CNGB3: variants seen among roughly 807,000 people sequenced by gnomAD.
CNGB3 encodes cyclic nucleotide gated channel subunit beta 3.
A neutral mutation model predicts 92.8 loss-of-function variants in CNGB3; 86 were observed. That is an observed-to-expected ratio of 0.93 (90% CI 0.78 to 1.11). The LOEUF is 1.11. Ranked by LOEUF, CNGB3 falls within the 50% of genes least tolerant of loss-of-function variation. The pLI, the probability that CNGB3 is intolerant of heterozygous loss-of-function variation, is 0.00. For missense variants in CNGB3, 1,026 were observed against 956.8 expected (o/e 1.07, Z -0.95); for synonymous variants, 333 against 332.7 (o/e 1.00, Z -0.01).
At chr8:86,656,455 A>G (rs1823506970) in intron 6 of CNGB3, among the ~76,000 whole-genome samples, 1 of 152,264 alleles carries the variant, frequency 6.6e-6, no homozygotes, top group Non-Finnish European at 1.5e-5. Flanking sequence ...TCTTTAGAGC[A>G]GTAAATAAAC....
chr8:86,600,999 T>G (rs1045970852), intron 15 of CNGB3, among the ~76,000 whole-genome samples: 1 of 151,874 alleles, frequency 6.6e-6, no homozygotes, highest in Admixed American at 6.6e-5. Flanking sequence ...TATAAATCAG[T>G]AGTAATTACT....
At chr8:86,647,181 C>G (rs1823305274) in intron 8 of CNGB3, among the ~76,000 whole-genome samples, 1 of 150,848 alleles carries the variant, frequency 6.6e-6, no homozygotes, top group South Asian at 2.1e-4. Flanking sequence ...GCTTCCTCTT[C>G]TTTGTTTTAA....
At chr8:86,667,247 G>A (rs1823761750) in intron 5 of CNGB3, 114 bp from the exon 6 acceptor site, 1 of 870,328 alleles carries the variant, frequency 1.1e-6, no homozygotes, top group African/African-American at 1.7e-5. Flanking sequence ...ATTTGCCATA[G>A]GAGGCTCTAT....
At chr8:86,737,805 C>T (rs375055537) in intron 2 of CNGB3, among the ~76,000 whole-genome samples, 171 of 152,280 alleles carry the variant, frequency 1.1e-3, no homozygotes, top group African/African-American at 4.0e-3. Context: ...ATGTTTAGCT[C>T]CCACAAGTGA....
At chr8:86,706,109 T>C (rs549357812) in intron 3 of CNGB3, among the ~76,000 whole-genome samples, 4 of 152,318 alleles carry the variant, frequency 2.6e-5, no homozygotes, top group African/African-American at 9.6e-5. Context: ...CATAATGTAG[T>C]TTATATTCTT....
intron 7 of CNGB3, among the ~76,000 whole-genome samples, chr8:86,649,002 C>T (rs533263077): frequency 6.7e-4 from 101 of 151,500 alleles, no homozygotes; most frequent in African/African-American, 2.4e-3. Context: ...CTGCTATACA[C>T]CAATACACAT....
intron 15 of CNGB3, among the ~76,000 whole-genome samples, chr8:86,591,571 A>C (rs2131546834): frequency 6.6e-6 from 1 of 151,892 alleles, no homozygotes; most frequent in Admixed American, 6.6e-5. Context: ...CAGGACCCTC[A>C]GCTGCAGGTC....
At chr8:86,641,705 A>G (rs1205073688) in intron 10 of CNGB3, among the ~76,000 whole-genome samples, 6 of 151,304 alleles carry the variant, frequency 4.0e-5, no homozygotes, top group African/African-American at 1.5e-4. Flanking sequence ...ACTCACACTC[A>G]TTTTCTATTG....
chr8:86,725,351 G>T (rs1182699870), intron 3 of CNGB3, among the ~76,000 whole-genome samples: 1 of 152,078 alleles, frequency 6.6e-6, no homozygotes, highest in Non-Finnish European at 1.5e-5. Context: ...TCTGTTGAGT[G>T]AAGATAATGA....
intron 3 of CNGB3, among the ~76,000 whole-genome samples, chr8:86,717,908 A>G (rs1327262529): frequency 2.0e-5 from 3 of 152,212 alleles, no homozygotes; most frequent in Non-Finnish European, 4.4e-5. Context: ...CTGTTCCTGA[A>G]TGATCACTGG....
At chr8:86,719,329 A>G (rs936442542) in intron 3 of CNGB3, among the ~76,000 whole-genome samples, 3 of 152,168 alleles carry the variant, frequency 2.0e-5, no homozygotes, top group African/African-American at 7.2e-5. Flanking sequence ...AAGTTTCAGG[A>G]TACAAAATTA....
chr8:86,595,688 T>G (rs1443910712), intron 15 of CNGB3, among the ~76,000 whole-genome samples: 2 of 152,120 alleles, frequency 1.3e-5, no homozygotes, highest in Non-Finnish European at 2.9e-5. Context: ...TTTCTACTTT[T>G]TAGGAAAGAG....
chr8:86,656,803 A>G (rs1308529051), intron 6 of CNGB3, among the ~76,000 whole-genome samples: 1 of 152,188 alleles, frequency 6.6e-6, no homozygotes, highest in Non-Finnish European at 1.5e-5. Flanking sequence ...CCAGGGCACC[A>G]TGACCCCATC....
At chr8:86,676,339 A>G (rs577107208) in intron 3 of CNGB3, among the ~76,000 whole-genome samples, 80 of 152,244 alleles carry the variant, frequency 5.3e-4, no homozygotes, top group Admixed American at 1.1e-3. Flanking sequence ...GATAATATAA[A>G]GGGAAGGTAT....
chr8:86,694,176 T>C (rs1586020907), intron 3 of CNGB3, among the ~76,000 whole-genome samples: 1 of 113,964 alleles, frequency 8.8e-6, no homozygotes, highest in Admixed American at 8.6e-5. Context: ...GGCGGGGGGC[T>C]GACCCCCCCC....
intron 10 of CNGB3, among the ~76,000 whole-genome samples, chr8:86,637,918 A>AT (rs1251870637): frequency 5.3e-5 from 8 of 152,060 alleles, no homozygotes; most frequent in African/African-American, 1.9e-4. Context: ...ACCTGTTCTA[A>AT]TTTTTTTCTA....
At chr8:86,686,674 A>T in intron 3 of CNGB3, among the ~76,000 whole-genome samples, 1 of 152,028 alleles carries the variant, frequency 6.6e-6, no homozygotes, top group East Asian at 1.9e-4. Flanking sequence ...GGCTGGGATT[A>T]CTATGGTTCC....
At chr8:86,666,893 T>C in intron 6 of CNGB3, 32 bp downstream of exon 6, 1 of 1,546,256 alleles carries the variant, frequency 6.5e-7, no homozygotes, top group South Asian at 1.1e-5. Context: ...TTATTCACGT[T>C]TCAGTTTCTG....
In CNGB3 at chr8:86,644,705, G is replaced by T. The variant is rs2131595039; in HGVS notation, c.991-19C>A. 1 of 1,476,198 alleles carries T rather than the reference G, an allele frequency of 6.8e-7. No individual in the cohort carries two copies. The highest frequency in any genetic ancestry group is 2.4e-5 in the East Asian group (1 of 41,914). 91.4% of individuals were successfully genotyped at this position (1,476,198 alleles called of 1,614,324 possible). ...AAGTGTACTATATAGAAAAGCAAAA[G>T]AAATCCAAAAGCATGTTAGTCTTAA... On this transcript the variant is annotated intron_variant, in intron 8 of 17. Transcript: ENST00000320005.
Sources: gnomAD v4.1 joint callset for allele counts (sites outside exome capture counted in the v4.1 genomes callset) on GRCh38, gnomAD v4.1.1 for gene constraint, MANE v1.5 for transcripts, NCBI Gene and HGNC (gene_info 2026-07-23, HGNC 2026-07-21) for gene names.